ZNF670: variants seen among roughly 807,000 people sequenced by gnomAD.
The protein encoded by ZNF670 is zinc finger protein 670.
ZNF670 carries 7 observed loss-of-function variants against 10.9 expected under a neutral mutation model. That is an observed-to-expected ratio of 0.64 (90% CI 0.36 to 1.20). ZNF670 has a LOEUF of 1.20. Ranked by LOEUF, ZNF670 falls within the 50% of genes most tolerant of loss-of-function variation. ZNF670 has a pLI of 0.02. For synonymous variants in ZNF670, 136 were observed against 152.7 expected, an observed-to-expected ratio of 0.89 and a Z score of 0.81; for missense variants, 446 against 458.6, an observed-to-expected ratio of 0.97 and a Z score of 0.25.
At chr1:247,076,545 C>T (rs559768444) in intron 1 of ZNF670, among the ~76,000 whole-genome samples, 10 of 152,260 alleles carry the variant, frequency 6.6e-5, no homozygotes, top group East Asian at 5.8e-4. Context: ...CGTGAGCCAC[C>T]GCACCTGGCC....
At chr1:247,069,907 G>A (rs1671076437) in intron 1 of ZNF670, among the ~76,000 whole-genome samples, 1 of 152,130 alleles carries the variant, frequency 6.6e-6, no homozygotes, top group Non-Finnish European at 1.5e-5. Context: ...AAAACAGAAA[G>A]AATAAGTAAG....
intron 1 of ZNF670, chr1:247,043,889 A>C: frequency 3.2e-6 from 1 of 316,822 alleles, no homozygotes; most frequent in Non-Finnish European, 6.1e-6. Flanking sequence ...ATTAAACTGA[A>C]TCTGATATTA....
At chr1:247,055,693 G>C (rs1219851956) in intron 1 of ZNF670, among the ~76,000 whole-genome samples, 12 of 151,992 alleles carry the variant, frequency 7.9e-5, no homozygotes, top group Admixed American at 7.9e-4. Context: ...GAGTTTAACG[G>C]AACTAAATTC....
chr1:247,045,513 C>G (rs1260834001), intron 1 of ZNF670, among the ~76,000 whole-genome samples: 1 of 152,160 alleles, frequency 6.6e-6, no homozygotes, highest in Admixed American at 6.6e-5. Flanking sequence ...TGCCTGTTCC[C>G]CCTCTGCCTT....
intron 1 of ZNF670, among the ~76,000 whole-genome samples, chr1:247,049,886 T>C (rs1670551272): frequency 1.3e-5 from 2 of 152,182 alleles, no homozygotes; most frequent in Admixed American, 6.5e-5. Context: ...GGTCTAAGAG[T>C]GTACTTGATA....
intron 1 of ZNF670, among the ~76,000 whole-genome samples, chr1:247,061,932 T>C (rs1446841249): frequency 6.6e-6 from 1 of 152,196 alleles, no homozygotes; most frequent in Admixed American, 6.5e-5. Flanking sequence ...TGGGAATTAG[T>C]ACCTTCAGGA....
intron 1 of ZNF670, among the ~76,000 whole-genome samples, chr1:247,071,241 A>G (rs781409097): frequency 1.2e-4 from 19 of 152,230 alleles, no homozygotes; most frequent in Non-Finnish European, 2.4e-4. Flanking sequence ...CAACAGTAAA[A>G]TGGATAAAGA....
At chr1:247,039,204 G>T (rs531787670) in intron 2 of ZNF670, among the ~76,000 whole-genome samples, 1 of 151,638 alleles carries the variant, frequency 6.6e-6, no homozygotes, top group African/African-American at 2.4e-5. Context: ...GATTACAGGC[G>T]CCTGCTACCA....
intron 1 of ZNF670, among the ~76,000 whole-genome samples, chr1:247,054,702 G>A (rs982836908): frequency 6.6e-6 from 1 of 152,174 alleles, no homozygotes; most frequent in African/African-American, 2.4e-5. Context: ...GAGATGTGCT[G>A]GCTTCAAGTG....
intron 1 of ZNF670, among the ~76,000 whole-genome samples, chr1:247,064,102 T>G (rs1435084004): frequency 2.0e-5 from 3 of 152,200 alleles, no homozygotes; most frequent in African/African-American, 7.2e-5. Flanking sequence ...TCCTGCACAC[T>G]CACCATTTCC....
intron 1 of ZNF670, among the ~76,000 whole-genome samples, chr1:247,064,702 G>C (rs979938187): frequency 1.3e-5 from 2 of 152,194 alleles, no homozygotes; most frequent in African/African-American, 2.4e-5. Flanking sequence ...TGGAACATGC[G>C]GGAGCCAGAC....
intron 1 of ZNF670, among the ~76,000 whole-genome samples, chr1:247,060,934 G>A (rs991860466): frequency 6.6e-6 from 1 of 152,100 alleles, no homozygotes; most frequent in South Asian, 2.1e-4. Flanking sequence ...TTGTCATTAT[G>A]TGGACATTTC....
chr1:247,061,157 A>C (rs1187559758), intron 1 of ZNF670, among the ~76,000 whole-genome samples: 1 of 151,824 alleles, frequency 6.6e-6, no homozygotes, highest in African/African-American at 2.4e-5. Context: ...CAGTCAACCG[A>C]AACACTGTCA....
At chr1:247,044,427 C>T (rs935759952) in intron 1 of ZNF670, among the ~76,000 whole-genome samples, 1 of 152,138 alleles carries the variant, frequency 6.6e-6, no homozygotes, top group Non-Finnish European at 1.5e-5. Context: ...AACAGAACTA[C>T]CTTTTGACCC....
At chr1:247,062,864 C>A (rs1027783453) in intron 1 of ZNF670, among the ~76,000 whole-genome samples, 2 of 151,890 alleles carry the variant, frequency 1.3e-5, no homozygotes, top group Admixed American at 6.6e-5. Flanking sequence ...AAGAAGATGA[C>A]CCAGGTCAGA....
intron 1 of ZNF670, among the ~76,000 whole-genome samples, chr1:247,060,995 T>A (rs903583673): frequency 6.6e-6 from 1 of 152,152 alleles, no homozygotes; most frequent in Admixed American, 6.5e-5. Flanking sequence ...TTTTCTGCTA[T>A]GCAACATTTG....
Position 247,072,853 on chromosome 1 carries a change from T to TAC in ZNF670, c.3+5739_3+5740dup, listed in dbSNP as rs67112261. On this transcript the variant is annotated intron_variant, in intron 1 of 3. Coordinates refer to ENST00000366503, the MANE Select transcript of ZNF670 (RefSeq NM_033213.5). The stretch of plus-strand genomic sequence containing the variant: ...ATATATATATATGCATACACACACA[T>TAC]ACACACACACACACAAACATCTTTT... Among the ~76,000 whole-genome samples, 24 of 100,036 alleles carry TAC rather than the reference T, an allele frequency of 2.4e-4. 1 individual carries two copies. Among genetic ancestry groups the TAC allele is most frequent in the Non-Finnish European group, 3.6e-4 (18 of 49,612 alleles). 65.6% of individuals were successfully genotyped at this position (100,036 alleles called of 152,430 possible).
rs755016842 is a variant in ZNF670 at position 247,036,587 on chromosome 1, A to G, written c.*862T>C. 6.6e-6 allele frequency among the ~76,000 whole-genome samples: 1 copy of G among 152,186 alleles called. No homozygotes were observed. Among genetic ancestry groups the G allele is most frequent in the South Asian group, 2.1e-4 (1 of 4,834 alleles). ...TAAGGTGGGAGAATCACTTGAGCCCAGGAATTTGAGGCTGCAGTGAGCTAA... is the reference window on the plus strand; with the variant it reads ...TAAGGTGGGAGAATCACTTGAGCCCGGGAATTTGAGGCTGCAGTGAGCTAA... On this transcript the variant is annotated 3_prime_UTR_variant, in exon 4 of 4. Coordinates refer to ENST00000366503, the MANE Select transcript of ZNF670 (RefSeq NM_033213.5).
intron 1 of ZNF670, among the ~76,000 whole-genome samples, chr1:247,075,329 GT>G (rs1402889029): frequency 2.0e-5 from 3 of 152,160 alleles, no homozygotes; most frequent in African/African-American, 2.4e-5. Flanking sequence ...AGGCACTGAT[GT>G]TTTGATAAAT....
Sources: gnomAD v4.1 joint callset for allele counts (sites outside exome capture counted in the v4.1 genomes callset) on GRCh38, gnomAD v4.1.1 for gene constraint, MANE v1.5 for transcripts, NCBI Gene and HGNC (gene_info 2026-07-23, HGNC 2026-07-21) for gene names.